The following QPCT variants were observed in gnomAD, a reference collection of about 807,000 sequenced individuals.
QPCT encodes EC.
A neutral mutation model predicts 43.4 loss-of-function variants in QPCT; 44 were observed. That is an observed-to-expected ratio of 1.01 (90% CI 0.80 to 1.30). QPCT has a LOEUF of 1.30. Ranked by LOEUF, QPCT falls within the 50% of genes most tolerant of loss-of-function variation. The pLI is 0.00. For synonymous variants in QPCT, 168 were observed against 168.4 expected (o/e 1.00, Z 0.02); for missense variants, 526 against 436.5 (o/e 1.21, Z -1.83).
intron 1 of QPCT, among the ~76,000 whole-genome samples, chr2:37,347,931 GA>G (rs770973248): frequency 6.6e-6 from 1 of 152,128 alleles, no homozygotes; most frequent in Non-Finnish European, 1.5e-5. Context: ...GCTCATTTTA[GA>G]AAACTTGGAA....
intron 2 of QPCT, among the ~76,000 whole-genome samples, chr2:37,355,121 T>G (rs1273773965): frequency 6.6e-6 from 1 of 152,244 alleles, no homozygotes; most frequent in Admixed American, 6.5e-5. Flanking sequence ...TATTTTAGAA[T>G]GTGTTGGGAA....
At chr2:37,351,557 C>T (rs1672626254) in intron 1 of QPCT, among the ~76,000 whole-genome samples, 1 of 152,182 alleles carries the variant, frequency 6.6e-6, no homozygotes, top group Non-Finnish European at 1.5e-5. Context: ...GGAATTGCAA[C>T]AATCATCTGA....
Position 37,373,030 on chromosome 2 carries a change from AT to A in QPCT, c.*206del. 1 of 415,882 alleles carries A rather than the reference AT, an allele frequency of 2.4e-6. No homozygotes were observed. Among genetic ancestry groups the A allele is most frequent in the Non-Finnish European group, 4.1e-6 (1 of 241,272 alleles). 25.8% of individuals were successfully genotyped at this position (415,882 alleles called of 1,614,324 possible). A position where few individuals can be genotyped will look rare whatever the true frequency, so the allele number is the denominator to read the frequency against. On this transcript the variant is annotated 3_prime_UTR_variant, in exon 7 of 7. Coordinates refer to ENST00000338415, the MANE Select transcript of QPCT (RefSeq NM_012413.4). Reference sequence around the variant, plus strand: ...TGTCCTAAATTGCTCATTAATTTTTATTTACAGATTGAAAAAGAGGGACCGT... The same window carrying A: ...TGTCCTAAATTGCTCATTAATTTTTATTACAGATTGAAAAAGAGGGACCGT...
chr2:37,362,582 C>T (rs544669264), intron 3 of QPCT, among the ~76,000 whole-genome samples: 7 of 152,132 alleles, frequency 4.6e-5, no homozygotes, highest in African/African-American at 1.7e-4. Flanking sequence ...TTGAAATCAC[C>T]GTTAAAACAA....
intron 4 of QPCT, among the ~76,000 whole-genome samples, chr2:37,367,717 A>T (rs917685052): frequency 1.3e-5 from 2 of 152,070 alleles, no homozygotes; most frequent in Admixed American, 1.3e-4. Context: ...ACAACAAATA[A>T]AATAATTAGC....
In QPCT at chr2:37,367,551, G is replaced by A. The variant is rs72864898; in HGVS notation, c.723+143G>A. 1,516 of 837,032 alleles carry A rather than the reference G, an allele frequency of 1.8e-3. 13 individuals carry two copies. In the African/African-American group the frequency reaches 0.023, roughly 13 times the overall value. The allele number at this position is 837,032 out of a possible 1,614,324, so 51.9% of individuals were successfully genotyped here. ...GATAGAACATTCCTTGGCAGGCATTGGGTTTTTGAGGAATCCCAGAGCTAA... is the reference window on the plus strand; with the variant it reads ...GATAGAACATTCCTTGGCAGGCATTAGGTTTTTGAGGAATCCCAGAGCTAA... On this transcript the variant is annotated intron_variant, in intron 4 of 6. Transcript: ENST00000338415.
At chr2:37,369,848 T>G (rs1490245496) in intron 5 of QPCT, 64 bp downstream of exon 5, 25 of 1,419,124 alleles carry the variant, frequency 1.8e-5, no homozygotes, top group Non-Finnish European at 2.4e-5. Context: ...ACTACATTTT[T>G]AACATTTAAA....
intron 2 of QPCT, among the ~76,000 whole-genome samples, chr2:37,359,092 G>A (rs7606958): frequency 6.6e-6 from 1 of 152,016 alleles, no homozygotes; most frequent in Non-Finnish European, 1.5e-5. Context: ...AAAAGTGTAC[G>A]TTACTATTAC....
intron 2 of QPCT, among the ~76,000 whole-genome samples, chr2:37,356,836 T>C (rs1238466852): frequency 1.3e-5 from 2 of 152,046 alleles, no homozygotes; most frequent in South Asian, 4.1e-4. Context: ...TGAAACTTTG[T>C]CTCTACCAAA....
chr2:37,359,291 T>C (rs1448334976), intron 2 of QPCT, among the ~76,000 whole-genome samples: 1 of 152,222 alleles, frequency 6.6e-6, no homozygotes, highest in Non-Finnish European at 1.5e-5. Context: ...TCGAAAGATC[T>C]GCATCAAACT....
At chr2:37,351,264 T>G (rs1672614721) in intron 1 of QPCT, among the ~76,000 whole-genome samples, 1 of 152,200 alleles carries the variant, frequency 6.6e-6, no homozygotes, top group Admixed American at 6.5e-5. Flanking sequence ...TTCAATATTC[T>G]TATGTCATCC....
Position 37,360,864 on chromosome 2 carries a change from G to C in QPCT, c.546+1006G>C, listed in dbSNP as rs73924613. Among the ~76,000 whole-genome samples the C allele has an allele frequency of 7.3e-3, 1,118 of 152,204 alleles. 11 individuals are homozygous for C. Among genetic ancestry groups the C allele is most frequent in the African/African-American group, 0.025 (1,040 of 41,510 alleles). On this transcript the variant is annotated intron_variant, in intron 3 of 6. Transcript: ENST00000338415. The stretch of plus-strand genomic sequence containing the variant: ...CCTTCCCCAGCAATTGGATGAAGGA[G>C]TTCAAAAGCTGATGCAAAAGTCTAA...
At chr2:37,372,554 T>G in intron 6 of QPCT, 82 bp downstream of exon 6, 2 of 1,463,116 alleles carry the variant, frequency 1.4e-6, no homozygotes, top group African/African-American at 1.4e-5. Context: ...TATGAGAAAG[T>G]ACACAGATGA....
chr2:37,352,084 G>C (rs2124932815), intron 1 of QPCT, among the ~76,000 whole-genome samples: 1 of 151,090 alleles, frequency 6.6e-6, no homozygotes, highest in Non-Finnish European at 1.5e-5. Flanking sequence ...TTTTCTAGTA[G>C]CTACATTAAA....
chr2:37,346,070 T>G (rs1344174889), intron 1 of QPCT, among the ~76,000 whole-genome samples: 1 of 152,212 alleles, frequency 6.6e-6, no homozygotes, highest in African/African-American at 2.4e-5. Context: ...AGAGTATGCC[T>G]GTATTTACTC....
At chr2:37,355,979 T>C (rs1672735633) in intron 2 of QPCT, among the ~76,000 whole-genome samples, 1 of 152,096 alleles carries the variant, frequency 6.6e-6, no homozygotes, top group Admixed American at 6.5e-5. Flanking sequence ...TCATATATGG[T>C]GCACTCAAGA....
At chr2:37,367,486 A>G in intron 4 of QPCT, 78 bp downstream of exon 4, 1 of 1,415,672 alleles carries the variant, frequency 7.1e-7, no homozygotes, top group East Asian at 2.4e-5. Flanking sequence ...CCAAGTAAAG[A>G]CCTAAAAATG....
intron 1 of QPCT, among the ~76,000 whole-genome samples, chr2:37,347,747 C>G (rs887065009): frequency 4.6e-5 from 7 of 152,144 alleles, no homozygotes; most frequent in African/African-American, 1.4e-4. Flanking sequence ...AGGCCCATTC[C>G]TTTAGTACAA....
Position 37,369,667 on chromosome 2 carries a change from T to A in QPCT, c.724-18T>A. 1 of 1,530,194 alleles carries A rather than the reference T, an allele frequency of 6.5e-7. No individual in the cohort carries two copies. Among genetic ancestry groups the A allele is most frequent in the African/African-American group, 1.4e-5 (1 of 73,054 alleles). The allele number at this position is 1,530,194 out of a possible 1,614,324, so 94.8% of individuals were successfully genotyped here. ...ACGTTTTGGTGATGGTGATTAAACA[T>A]TACTTTTTCTCCCTCAGGATTTATT... On this transcript the variant is annotated intron_variant, in intron 4 of 6. Coordinates refer to ENST00000338415, the MANE Select transcript of QPCT (RefSeq NM_012413.4).
Sources: gnomAD v4.1 joint callset for allele counts (sites outside exome capture counted in the v4.1 genomes callset) on GRCh38, gnomAD v4.1.1 for gene constraint, MANE v1.5 for transcripts, NCBI Gene and HGNC (gene_info 2026-07-23, HGNC 2026-07-21) for gene names.